PDZK1: variants seen among roughly 807,000 people sequenced by gnomAD.
PDZK1 encodes Na(+)/H(+) exchange regulatory cofactor NHE-RF3.
PDZK1 carries 23 observed loss-of-function variants against 38.1 expected under a neutral mutation model. The ratio of observed to expected loss-of-function variants is 0.60; its 90% CI spans 0.43 to 0.85. The LOEUF (loss-of-function observed/expected upper bound fraction) is 0.85. Among genes scored for constraint, PDZK1 ranks in the 40% least tolerant of loss-of-function variants. The pLI is 0.00. For synonymous variants in PDZK1, 98 were observed against 186.2 expected (o/e 0.53, Z 3.86); for missense variants, 297 against 504.3 (o/e 0.59, Z 3.94).
At position 145,688,036 on chromosome 1, in the gene PDZK1, A is replaced by T. The variant is rs1258301124; in HGVS notation, c.-2-13T>A. 1.3e-6 allele frequency: 2 copies of T among 1,599,740 alleles called. No individual in the cohort carries two copies. Among genetic ancestry groups the T allele is most frequent in the South Asian group, 1.1e-5 (1 of 90,784 alleles). ...GTGGAGGTCATTTCTGTGATGAAAA[A>T]AATAAATTAATAAAACCATGGAAAA... On this transcript the variant is annotated splice_polypyrimidine_tract_variant and intron_variant, in intron 1 of 8. Coordinates refer to ENST00000417171, the MANE Select transcript of PDZK1 (RefSeq NM_001201325.2).
At chr1:145,696,877 C>T (rs1338308078) in intron 1 of PDZK1, among the ~76,000 whole-genome samples, 4 of 152,136 alleles carry the variant, frequency 2.6e-5, no homozygotes, top group South Asian at 2.1e-4. Context: ...GAGGACTTGA[C>T]GGAACATCAC....
intron 1 of PDZK1, among the ~76,000 whole-genome samples, chr1:145,697,171 A>G (rs1655674204): frequency 6.6e-6 from 1 of 152,148 alleles, no homozygotes; most frequent in Non-Finnish European, 1.5e-5. Context: ...TTCTAAAAAT[A>G]CAAGAATTAG....
At chr1:145,696,608 C>T (rs1159386099) in intron 1 of PDZK1, among the ~76,000 whole-genome samples, 3 of 152,178 alleles carry the variant, frequency 2.0e-5, no homozygotes, top group African/African-American at 7.2e-5. Flanking sequence ...GGACCCAAAC[C>T]TGTTGACACC....
At position 145,682,615 on chromosome 1, in the gene PDZK1, G is replaced by A; in HGVS notation, c.482C>T (p.Thr161Ile). The A allele has an allele frequency of 6.2e-7, 1 of 1,611,908 alleles. No homozygotes were observed. Among genetic ancestry groups the A allele is most frequent in the Non-Finnish European group, 8.5e-7 (1 of 1,179,860 alleles). ...AGCCACACCTTGAGGTGTAATATCA[G>A]TCATGTACACCCCCTTTTTACCTGG... is the stretch of plus-strand genomic sequence containing the variant. ...TVQGKKGVYM[T>I]DITPQGVAMR... is the part of the protein sequence containing the mutation. The change falls in exon 4 of 9, where the codon ACT (threonine) becomes ATT (isoleucine). Residue 161 changes from threonine (T) to isoleucine (I), a missense_variant. Coordinates refer to ENST00000417171, the MANE Select transcript of PDZK1 (RefSeq NM_001201325.2).
intron 5 of PDZK1, among the ~76,000 whole-genome samples, chr1:145,679,950 A>C (rs1354457067): frequency 1.3e-5 from 2 of 152,172 alleles, no homozygotes; most frequent in Admixed American, 1.3e-4. Flanking sequence ...CTGTGTTCAC[A>C]TGATTCCCAC....
In PDZK1 at chr1:145,673,029, A is replaced by G. The variant is rs587649692; in HGVS notation, c.1216-9T>C. On this transcript the variant is annotated splice_polypyrimidine_tract_variant and intron_variant, in intron 7 of 8. Transcript: ENST00000417171. ...GGACCGCCCTTCTGTACCTGTGAAC[A>G]GAAGTTCTGAGTTATCAATTTCAAA... 26 of 1,414,126 alleles carry G rather than the reference A, an allele frequency of 1.8e-5. No individual in the cohort carries two copies. The East Asian group carries it at 5.7e-4, about 31-fold the overall frequency. The allele number at this position is 1,414,126 out of a possible 1,614,324, so 87.6% of individuals were successfully genotyped here. A position where few individuals can be genotyped will look rare whatever the true frequency, so the allele number is the denominator to read the frequency against.
chr1:145,672,262 C>A (rs1162351576), intron 8 of PDZK1, among the ~76,000 whole-genome samples: 15 of 151,942 alleles, frequency 9.9e-5, no homozygotes, highest in African/African-American at 3.1e-4. Flanking sequence ...CTTACATGCT[C>A]ACTATGAGCC....
chr1:145,703,632 A>G (rs1553705293), intron 1 of PDZK1, among the ~76,000 whole-genome samples: 1 of 152,100 alleles, frequency 6.6e-6, no homozygotes, highest in African/African-American at 2.4e-5. Context: ...AAGTAGTCAG[A>G]CTAGGAAGAG....
intron 2 of PDZK1, 99 bp downstream of exon 2, chr1:145,687,713 G>A (rs1571613230): frequency 1.9e-6 from 2 of 1,047,104 alleles, no homozygotes; most frequent in East Asian, 2.4e-5. Context: ...TGGCAGCCAG[G>A]AAAGAACCAA....
At chr1:145,672,557 G>A (rs1218033109) in intron 8 of PDZK1, among the ~76,000 whole-genome samples, 173 bp downstream of exon 8, 1 of 151,642 alleles carries the variant, frequency 6.6e-6, no homozygotes, top group African/African-American at 2.4e-5. Context: ...GAAATTTGTT[G>A]TTCTTATACT....
intron 3 of PDZK1, among the ~76,000 whole-genome samples, chr1:145,683,708 C>T (rs1447778836): frequency 6.6e-6 from 1 of 152,172 alleles, no homozygotes; most frequent in East Asian, 1.9e-4. Context: ...TACATACCTA[C>T]AATAGAGTTT....
At chr1:145,686,360 A>G (rs1420346904) in intron 3 of PDZK1, 117 bp downstream of exon 3, 992 of 1,291,848 alleles carry the variant, frequency 7.7e-4, no homozygotes, top group Non-Finnish European at 1.0e-3. Flanking sequence ...CAAGCTATCT[A>G]TAGCAACTGA....
intron 1 of PDZK1, among the ~76,000 whole-genome samples, chr1:145,706,411 A>G (rs1339884115): frequency 2.0e-5 from 3 of 152,220 alleles, no homozygotes; most frequent in African/African-American, 7.2e-5. Flanking sequence ...CTGGACAATC[A>G]TGGCCTGAGG....
intron 1 of PDZK1, among the ~76,000 whole-genome samples, chr1:145,705,070 G>A (rs587698349): frequency 6.6e-6 from 1 of 152,178 alleles, no homozygotes; most frequent in South Asian, 2.1e-4. Context: ...TTAACATCTG[G>A]CAAAGGTGAC....
At chr1:145,685,872 T>C (rs149632701) in intron 3 of PDZK1, among the ~76,000 whole-genome samples, 3,037 of 152,260 alleles carry the variant, frequency 0.02, 104 homozygotes, top group African/African-American at 0.069. Context: ...TATGTACCTC[T>C]TAGCCAGAGC....
At position 145,675,524 on chromosome 1, in the gene PDZK1, C is replaced by G. The variant is rs868916889; in HGVS notation, c.991-1643G>C. ...CCACCAGCACAGAACCTCCTAGTTACCCAGTTCAACTAACTTCAGACCTTT... is the reference window on the plus strand; with the variant it reads ...CCACCAGCACAGAACCTCCTAGTTAGCCAGTTCAACTAACTTCAGACCTTT... On this transcript the variant is annotated intron_variant, in intron 6 of 8. Coordinates refer to ENST00000417171, the MANE Select transcript of PDZK1 (RefSeq NM_001201325.2). 1.6e-3 allele frequency among the ~76,000 whole-genome samples: 225 copies of G among 142,312 alleles called. 1 individual carries two copies. Among genetic ancestry groups the G allele is most frequent in the Middle Eastern group, 3.5e-3 (1 of 282 alleles). The allele number at this position is 142,312 out of a possible 152,430, so 93.4% of individuals were successfully genotyped here.
At position 145,671,397 on chromosome 1, in the gene PDZK1, A is replaced by G. The variant is rs1553697765; in HGVS notation, c.*39T>C. ...GGATTCCTATTAAATACCCAGAAAC[A>G]GCTATCAAATAAACAGCCAAAGCTA... On this transcript the variant is annotated 3_prime_UTR_variant, in exon 9 of 9. Transcript: ENST00000417171. The G allele has an allele frequency of 6.2e-7, 1 of 1,605,898 alleles. No homozygotes were observed. The highest frequency in any genetic ancestry group is 2.2e-5 in the East Asian group (1 of 44,710).
intron 3 of PDZK1, among the ~76,000 whole-genome samples, chr1:145,686,024 GAATA>G (rs1339144065): frequency 2.0e-5 from 3 of 152,232 alleles, no homozygotes; most frequent in East Asian, 1.9e-4. Flanking sequence ...AGAATTTGTT[GAATA>G]AATGAATGAC....
chr1:145,693,641 G>A (rs189036537), intron 1 of PDZK1, among the ~76,000 whole-genome samples: 29 of 152,168 alleles, frequency 1.9e-4, no homozygotes, highest in African/African-American at 7.0e-4. Flanking sequence ...GGGCGTGGTG[G>A]CGGGCGCCTG....
Sources: gnomAD v4.1 joint callset for allele counts (sites outside exome capture counted in the v4.1 genomes callset) on GRCh38, gnomAD v4.1.1 for gene constraint, MANE v1.5 for transcripts, NCBI Gene and HGNC (gene_info 2026-07-23, HGNC 2026-07-21) for gene names.